Variants in SEC24B observed in about 807,000 individuals in gnomAD.
The protein encoded by SEC24B is protein transport protein Sec24B.
In SEC24B, 45 loss-of-function variants were observed where a neutral mutation model predicts 142.8. That is an observed-to-expected ratio of 0.32 (90% CI 0.25 to 0.40). The LOEUF (loss-of-function observed/expected upper bound fraction) is 0.40. Among genes scored for constraint, SEC24B ranks in the 10% least tolerant of loss-of-function variants. The pLI, the probability that SEC24B is intolerant of heterozygous loss-of-function variation, is 1.00. For missense variants in SEC24B, 1,409 were observed against 1,526.8 expected, an observed-to-expected ratio of 0.92 and a Z score of 1.29; for synonymous variants, 574 against 568.2, an observed-to-expected ratio of 1.01 and a Z score of -0.15.
chr4:109,480,387 C>G (rs1733614436), intron 3 of SEC24B, among the ~76,000 whole-genome samples: 1 of 151,714 alleles, frequency 6.6e-6, no homozygotes, highest in Non-Finnish European at 1.5e-5. Context: ...ATGTTTCTGG[C>G]TTTCTTTTTT....
rs766029690 is a variant in SEC24B, at chr4:109,531,469, C to G, written c.3337C>G (p.Leu1113Val). ...CQIKSQPLVH[L>V]MKMIHPNLYR... ...GATAAAGTCTCAGCCACTTGTTCAT[C>G]TAATGAAAATGATTCATCCCAACTT... Residue 1113 changes from leucine (L) to valine (V), a missense_variant, in exon 20 of 24, where the codon CTA (leucine) becomes GTA (valine). Leu to Val is a conservative substitution (Grantham distance 32). Around this residue, in one of 2 missense-constraint regions of SEC24B, gnomAD observed 700 missense variants for 853.3 expected, o/e 0.82. Coordinates refer to ENST00000265175, the MANE Select transcript of SEC24B (RefSeq NM_006323.5). 6.2e-7 allele frequency: 1 copy of G among 1,610,934 alleles called. No homozygotes were observed. The highest frequency in any genetic ancestry group is 8.5e-7 in the Non-Finnish European group (1 of 1,177,126).
At chr4:109,465,028 A>G (rs1487107463) in intron 2 of SEC24B, among the ~76,000 whole-genome samples, 1 of 152,234 alleles carries the variant, frequency 6.6e-6, no homozygotes, top group Non-Finnish European at 1.5e-5. Flanking sequence ...AGTCAGAATT[A>G]AAAGCACCAA....
In SEC24B at chr4:109,463,633, C is replaced by T. The variant is rs1451292223; in HGVS notation, c.866C>T (p.Pro289Leu). 6.2e-6 allele frequency: 10 copies of T among 1,612,226 alleles called. No individual in the cohort carries two copies. Among genetic ancestry groups the T allele is most frequent in the Non-Finnish European group, 7.6e-6 (9 of 1,178,562 alleles). The change falls in exon 2 of 24, where the codon CCA becomes CTA. Residue 289 changes from proline to leucine, a missense_variant. Transcript: ENST00000265175. ...TGSLAVANNN[P>L]TITVADSLSC... ...TCCCTGGCTGTAGCGAACAACAACC[C>T]AACCATTACTGGTAGGTTGAATGAA...
intron 4 of SEC24B, among the ~76,000 whole-genome samples, chr4:109,487,705 G>A (rs1734526920): frequency 6.6e-6 from 1 of 152,186 alleles, no homozygotes; most frequent in Non-Finnish European, 1.5e-5. Context: ...AATATCATGA[G>A]TCTGTTTAGC....
chr4:109,458,874 A>G (rs374700305), intron 1 of SEC24B, among the ~76,000 whole-genome samples: 10 of 152,088 alleles, frequency 6.6e-5, no homozygotes, highest in African/African-American at 2.2e-4. Context: ...TTGTGATAAG[A>G]AAAGTACTTC....
At chr4:109,467,007 T>C (rs535595263) in intron 2 of SEC24B, among the ~76,000 whole-genome samples, 2 of 152,258 alleles carry the variant, frequency 1.3e-5, no homozygotes, top group East Asian at 3.9e-4. Context: ...TATAATTCAG[T>C]ACTAGAACTT....
At chr4:109,533,831 G>A in intron 22 of SEC24B, 146 bp downstream of exon 22, 1 of 628,762 alleles carries the variant, frequency 1.6e-6, no homozygotes, top group Middle Eastern at 4.3e-4. Flanking sequence ...CCACTATTTA[G>A]TTTCAGAACA....
chr4:109,528,793 AAGAG>A (rs1219303653), intron 18 of SEC24B, among the ~76,000 whole-genome samples: 1 of 152,268 alleles, frequency 6.6e-6, no homozygotes, highest in Non-Finnish European at 1.5e-5. Flanking sequence ...GTCCTAGAGA[AAGAG>A]AGTTATTAAT....
chr4:109,527,737 A>G (rs1167083388), intron 18 of SEC24B, among the ~76,000 whole-genome samples: 1 of 151,916 alleles, frequency 6.6e-6, no homozygotes, highest in African/African-American at 2.4e-5. Flanking sequence ...GCATCACTCC[A>G]ATCACTCCAC....
At chr4:109,508,734 C>G (rs560858071) in intron 7 of SEC24B, among the ~76,000 whole-genome samples, 2 of 152,212 alleles carry the variant, frequency 1.3e-5, no homozygotes, top group Non-Finnish European at 2.9e-5. Flanking sequence ...TTGAGCAGAC[C>G]TAAGTAGCTG....
rs185310108 is a variant in SEC24B at position 109,535,777 on chromosome 4, G to A, written c.3588+2092G>A. Among the ~76,000 whole-genome samples the A allele has an allele frequency of 5.5e-4, 84 of 152,182 alleles. No individual in the cohort carries two copies. The East Asian group carries it at 0.013, about 23-fold the overall frequency. On this transcript the variant is annotated intron_variant, in intron 22 of 23. Transcript: ENST00000265175. Reference sequence around the variant, plus strand: ...TGAGGCAGGAGAATGGTATGAAACCGGGAGGCGGAGCTTGCAGTGAGCCGA... The same window carrying A: ...TGAGGCAGGAGAATGGTATGAAACCAGGAGGCGGAGCTTGCAGTGAGCCGA...
intron 16 of SEC24B, 57 bp downstream of exon 16, chr4:109,525,561 C>A: frequency 8.1e-7 from 1 of 1,240,234 alleles, no homozygotes; most frequent in Non-Finnish European, 1.1e-6. Flanking sequence ...AGTCAGTGAG[C>A]ATTCCATGTA....
intron 3 of SEC24B, among the ~76,000 whole-genome samples, chr4:109,477,311 A>G (rs1326372136): frequency 6.6e-6 from 1 of 151,730 alleles, no homozygotes; most frequent in Non-Finnish European, 1.5e-5. Flanking sequence ...CATACTTTTT[A>G]TTATTTTTAT....
At position 109,463,362 on chromosome 4, in the gene SEC24B, C is replaced by A; in HGVS notation, c.595C>A (p.Pro199Thr). Residue 199 changes from proline to threonine, a missense_variant, in exon 2 of 24, where the codon CCC (proline) becomes ACC (threonine). Pro to Thr is a conservative substitution (Grantham distance 38, BLOSUM62 -1). This residue lies in a region of SEC24B where 709 missense variants were observed against 673.5 expected (regional missense o/e 1.05). Transcript: ENST00000265175. ...TGCCGCGTATCCTAGTGTTTCATAT[C>A]CCTCTCTGCCTGCTGGTGATACATA... is the stretch of plus-strand genomic sequence containing the variant. ...SNAAYPSVSYPSLPAGDTYGQ... is the reference protein window; with the variant it reads ...SNAAYPSVSYTSLPAGDTYGQ... 6.2e-7 allele frequency: 1 copy of A among 1,614,160 alleles called. No individual in the cohort carries two copies. The highest frequency in any genetic ancestry group is 8.5e-7 in the Non-Finnish European group (1 of 1,180,016).
In SEC24B at chr4:109,509,991, T is replaced by C. The variant is rs1190254920; in HGVS notation, c.1674-18T>C. 1 of 1,492,756 alleles carries C rather than the reference T, an allele frequency of 6.7e-7. No individual in the cohort carries two copies. Among genetic ancestry groups the C allele is most frequent in the East Asian group, 2.3e-5 (1 of 43,392 alleles). 92.5% of individuals were successfully genotyped at this position (1,492,756 alleles called of 1,614,324 possible). A position where few individuals can be genotyped will look rare whatever the true frequency, so the allele number is the denominator to read the frequency against. On this transcript the variant is annotated intron_variant, in intron 7 of 23. Coordinates refer to ENST00000265175, the MANE Select transcript of SEC24B (RefSeq NM_006323.5). ...CTCTGATAGCTAATATCCTCCATGT[T>C]GTTTATGTTTTTTGCAGTTCATTTC... is the stretch of plus-strand genomic sequence containing the variant.
At position 109,538,519 on chromosome 4, in the gene SEC24B, T is replaced by C; in HGVS notation, c.3615T>C (p.Leu1205=). Residue 1205 remains leucine (L), a synonymous_variant, in exon 23 of 24, where the codon CTT becomes CTC. Coordinates refer to ENST00000265175, the MANE Select transcript of SEC24B (RefSeq NM_006323.5). ...KMTHLPELDT[L]SSERARSFIT... ...CACATCTTCCAGAGCTAGATACACTTTCATCAGAAAGAGCCAGATCCTTCA... is the reference window on the plus strand; with the variant it reads ...CACATCTTCCAGAGCTAGATACACTCTCATCAGAAAGAGCCAGATCCTTCA... 1 of 1,613,110 alleles carries C rather than the reference T, an allele frequency of 6.2e-7. No individual in the cohort carries two copies. Among genetic ancestry groups the C allele is most frequent in the Non-Finnish European group, 8.5e-7 (1 of 1,179,138 alleles).
intron 21 of SEC24B, 55 bp from the exon 22 acceptor site, chr4:109,533,538 T>A (rs991389515): frequency 1.0e-5 from 11 of 1,079,126 alleles, no homozygotes; most frequent in Non-Finnish European, 1.4e-5. Flanking sequence ...AGAACATTAA[T>A]GAAAATGAAT....
intron 1 of SEC24B, among the ~76,000 whole-genome samples, chr4:109,455,328 C>G (rs1358369462): frequency 1.3e-5 from 2 of 152,068 alleles, no homozygotes; most frequent in African/African-American, 4.8e-5. Context: ...TGGCTTACTC[C>G]AAGCTCCGCC....
At chr4:109,460,766 ATATAT>A (rs1290188668) in intron 1 of SEC24B, among the ~76,000 whole-genome samples, 3 of 150,638 alleles carry the variant, frequency 2.0e-5, no homozygotes, top group East Asian at 1.9e-4. Flanking sequence ...TAATATATTA[ATATAT>A]TAATATTAAT....
Sources: gnomAD v4.1 joint callset for allele counts (sites outside exome capture counted in the v4.1 genomes callset) on GRCh38, gnomAD v4.1.1 for gene constraint, gnomAD v4.1.1 regional missense constraint, MANE v1.5 for transcripts, NCBI Gene and HGNC (gene_info 2026-07-23, HGNC 2026-07-21) for gene names.